Variants in ELFN2 observed in about 807,000 individuals in gnomAD.
ELFN2 encodes the protein extracellular leucine rich repeat and fibronectin type III domain containing 2, also known as protein phosphatase 1 regulatory subunit 29.
ELFN2 carries 17 observed loss-of-function variants against 45.5 expected under a neutral mutation model. That is an observed-to-expected ratio of 0.37 (90% confidence interval 0.26 to 0.56). ELFN2 has a LOEUF of 0.56. ELFN2 is among the 20% of genes least tolerant of loss of function. The pLI is 0.77. For missense variants in ELFN2, 922 were observed against 1,183.2 expected (o/e 0.78, Z 3.24); for synonymous variants, 550 against 551.5 (o/e 1.00, Z 0.04).
At chr22:37,385,899 C>T (rs1931934781) in intron 2 of ELFN2, among the ~76,000 whole-genome samples, 1 of 152,154 alleles carries the variant, frequency 6.6e-6, no homozygotes, top group Non-Finnish European at 1.5e-5. Flanking sequence ...ATGTATCTAC[C>T]ATTTATTTGG....
At chr22:37,409,718 A>T (rs1401786859) in intron 2 of ELFN2, among the ~76,000 whole-genome samples, 1 of 152,224 alleles carries the variant, frequency 6.6e-6, no homozygotes, top group Non-Finnish European at 1.5e-5. Flanking sequence ...ACAACAGGGA[A>T]ATGTCCTTTC....
At position 37,375,831 on chromosome 22, in the gene ELFN2, C is replaced by T; in HGVS notation, c.-297G>A. ...TGCAAGGGTTCTCAGGGCTTGACTT[C>T]CTCTCCCTCCTCCTCCTCCTCCTCC... is the stretch of plus-strand genomic sequence containing the variant. On this transcript the variant is annotated 5_prime_UTR_variant, in exon 3 of 3. Transcript: ENST00000402918. The T allele has an allele frequency of 2.2e-6, 1 of 459,598 alleles. No homozygotes were observed. The allele number at this position is 459,598 out of a possible 1,614,324, so 28.5% of individuals were successfully genotyped here. A position where few individuals can be genotyped will look rare whatever the true frequency, so the allele number is the denominator to read the frequency against.
At chr22:37,390,690 C>T (rs1295841439) in intron 2 of ELFN2, among the ~76,000 whole-genome samples, 2 of 152,158 alleles carry the variant, frequency 1.3e-5, no homozygotes, top group East Asian at 1.9e-4. Context: ...CACTGCAGGG[C>T]GGCCAACCTG....
chr22:37,365,708 C>T (rs907354423), downstream of ELFN2, among the ~76,000 whole-genome samples: 1 of 152,182 alleles, frequency 6.6e-6, no homozygotes. Context: ...CACCCAGGTC[C>T]TTGTCCCACC....
chr22:37,399,624 ACGGGGACCACCAGCCCACC>A (rs1932312229), intron 2 of ELFN2, among the ~76,000 whole-genome samples: 1 of 146,840 alleles, frequency 6.8e-6, no homozygotes, highest in South Asian at 2.2e-4. Flanking sequence ...TCCACCGACC[ACGGGGACCACCAGCCCACC>A]TCTCCCACCT....
intron 2 of ELFN2, among the ~76,000 whole-genome samples, chr22:37,379,213 G>A (rs958672706): frequency 2.3e-4 from 35 of 152,194 alleles, no homozygotes; most frequent in Non-Finnish European, 4.6e-4. Flanking sequence ...ATAGATGGGG[G>A]GCGCAGGGGA....
intron 1 of ELFN2, among the ~76,000 whole-genome samples, chr22:37,422,943 C>T (rs991860507): frequency 0.01 from 302 of 29,274 alleles, 5 homozygotes; most frequent in Non-Finnish European, 0.023. Flanking sequence ...AACTGGGCCT[C>T]GGGGGGGGGG....
intron 2 of ELFN2, among the ~76,000 whole-genome samples, chr22:37,410,581 G>T (rs1932622558): frequency 6.6e-6 from 1 of 152,096 alleles, no homozygotes; most frequent in Non-Finnish European, 1.5e-5. Context: ...CACTCCCAAA[G>T]CCCCTCCCTC....
intron 1 of ELFN2, among the ~76,000 whole-genome samples, chr22:37,355,745 C>G (rs1001692986): frequency 6.6e-6 from 1 of 152,212 alleles, no homozygotes; most frequent in African/African-American, 2.4e-5. Context: ...CCTCTCCACT[C>G]ACACCGAGTG....
intron 1 of ELFN2, among the ~76,000 whole-genome samples, chr22:37,347,469 G>A (rs367584054): frequency 5.9e-5 from 9 of 152,264 alleles, no homozygotes; most frequent in African/African-American, 1.7e-4. Flanking sequence ...ACCTCTGGCC[G>A]TGGAAGCACC....
intron 1 of ELFN2, among the ~76,000 whole-genome samples, chr22:37,350,943 C>T (rs1042884131): frequency 6.6e-6 from 1 of 150,484 alleles, no homozygotes; most frequent in African/African-American, 2.4e-5. Context: ...GTCAGGAAAC[C>T]AAGCTCTGCC....
chr22:37,345,358 C>T (rs1294601232), intron 1 of ELFN2, among the ~76,000 whole-genome samples: 2 of 152,178 alleles, frequency 1.3e-5, no homozygotes, highest in Non-Finnish European at 2.9e-5. Context: ...GGTTCTCTCC[C>T]TATCTGTGTG....
intron 2 of ELFN2, among the ~76,000 whole-genome samples, chr22:37,396,720 C>A (rs1193099979): frequency 6.6e-6 from 1 of 152,150 alleles, no homozygotes; most frequent in Non-Finnish European, 1.5e-5. Context: ...GCCTGTGGCA[C>A]CCTCGTCTGC....
intron 1 of ELFN2, among the ~76,000 whole-genome samples, chr22:37,421,711 G>A (rs916396698): frequency 1.3e-5 from 2 of 152,152 alleles, no homozygotes; most frequent in African/African-American, 2.4e-5. Flanking sequence ...AAAATGCAGC[G>A]ATCCGTCCTC....
Position 37,375,812 on chromosome 22 carries a change from G to T in ELFN2, c.-278C>A, listed in dbSNP as rs1445479469. 5 of 503,852 alleles carry T rather than the reference G, an allele frequency of 9.9e-6. No individual in the cohort carries two copies. In the East Asian group the frequency reaches 1.7e-4, roughly 18 times the overall value. The allele number at this position is 503,852 out of a possible 1,614,324, so 31.2% of individuals were successfully genotyped here. On this transcript the variant is annotated 5_prime_UTR_variant, in exon 3 of 3. Transcript: ENST00000402918. Reference sequence around the variant, plus strand: ...TTGTCTCCTGCTAGGAAGGTGCAAGGGTTCTCAGGGCTTGACTTCCTCTCC... The same window carrying T: ...TTGTCTCCTGCTAGGAAGGTGCAAGTGTTCTCAGGGCTTGACTTCCTCTCC...
At chr22:37,416,034 C>G (rs1281724397) in intron 2 of ELFN2, among the ~76,000 whole-genome samples, 1 of 152,162 alleles carries the variant, frequency 6.6e-6, no homozygotes, top group Non-Finnish European at 1.5e-5. Flanking sequence ...ATACCAGGAG[C>G]CATCACATCC....
chr22:37,380,482 T>C (rs1429597947), intron 2 of ELFN2, among the ~76,000 whole-genome samples: 1 of 152,126 alleles, frequency 6.6e-6, no homozygotes, highest in Non-Finnish European at 1.5e-5. Context: ...GGCCACACTC[T>C]TGCAGGGACA....
chr22:37,396,881 C>CA (rs1932226548), intron 2 of ELFN2, among the ~76,000 whole-genome samples: 1 of 152,224 alleles, frequency 6.6e-6, no homozygotes. Context: ...TCAGACCAGC[C>CA]TCCAAGTCCA....
chr22:37,399,102 C>G (rs1283101677), intron 2 of ELFN2, among the ~76,000 whole-genome samples: 2 of 152,152 alleles, frequency 1.3e-5, no homozygotes, highest in African/African-American at 4.8e-5. Flanking sequence ...CCTCCCCACT[C>G]CCAGGGATGG....
Sources: allele counts gnomAD v4.1 joint callset (sites outside exome capture counted in the v4.1 genomes callset), GRCh38; gene constraint gnomAD v4.1.1; transcripts MANE v1.5; gene names NCBI Gene and HGNC (gene_info 2026-07-23, HGNC 2026-07-21).